The following ADORA2B variants were observed in gnomAD, a reference collection of about 807,000 sequenced individuals.
The protein encoded by ADORA2B is adenosine receptor A2b.
ADORA2B carries 18 observed loss-of-function variants against 20.8 expected under a neutral mutation model. That is an observed-to-expected ratio of 0.87 (90% CI 0.60 to 1.29). The LOEUF (loss-of-function observed/expected upper bound fraction) is 1.29, where lower values mean the gene tolerates loss of function less well. Ranked by LOEUF, ADORA2B falls within the 50% of genes most tolerant of loss-of-function variation. The pLI is 0.00. For synonymous variants in ADORA2B, 179 were observed against 178.3 expected (o/e 1.00, Z -0.03); for missense variants, 441 against 422.7 (o/e 1.04, Z -0.38).
At chr17:15,921,972 G>C in the ADORA2B span, among the ~76,000 whole-genome samples, 1 of 152,126 alleles carries the variant, frequency 6.6e-6, no homozygotes, top group Admixed American at 6.6e-5. Flanking sequence ...TTCAAGGAAG[G>C]GTGGGAAATC....
At chr17:15,897,993 G>A in the ADORA2B span, among the ~76,000 whole-genome samples, 706 of 152,070 alleles carry the variant, frequency 4.6e-3, 8 homozygotes, top group African/African-American at 0.016. Context: ...ACCATTAAAG[G>A]GGTTGAATTC....
At chr17:15,859,023 T>G in the ADORA2B span, among the ~76,000 whole-genome samples, 1 of 152,176 alleles carries the variant, frequency 6.6e-6, no homozygotes, top group Non-Finnish European at 1.5e-5. Context: ...AGGGTCTTGC[T>G]TTGTTGCCCA....
chr17:15,871,707 T>G, the ADORA2B span, among the ~76,000 whole-genome samples: 2 of 152,130 alleles, frequency 1.3e-5, no homozygotes, highest in South Asian at 4.1e-4. Flanking sequence ...CCTAATGAGC[T>G]TCCCTCATTA....
At chr17:15,967,055 C>T (rs754400035) in intron 1 of ADORA2B, among the ~76,000 whole-genome samples, 3 of 152,124 alleles carry the variant, frequency 2.0e-5, no homozygotes, top group Non-Finnish European at 4.4e-5. Flanking sequence ...GAGGCAGAGT[C>T]TGCAGCAAGG....
chr17:15,935,661 A>T, the ADORA2B span, among the ~76,000 whole-genome samples: 1 of 151,608 alleles, frequency 6.6e-6, no homozygotes, highest in African/African-American at 2.4e-5. Flanking sequence ...CTCTCTTTCT[A>T]GTACTCTGAT....
chr17:15,876,227 A>G, the ADORA2B span, among the ~76,000 whole-genome samples: 1 of 152,162 alleles, frequency 6.6e-6, no homozygotes, highest in Non-Finnish European at 1.5e-5. Flanking sequence ...ATTTTAGGTC[A>G]GCAACTATTT....
intron 1 of ADORA2B, among the ~76,000 whole-genome samples, chr17:15,962,229 G>A (rs1970049539): frequency 6.6e-6 from 1 of 152,146 alleles, no homozygotes; most frequent in African/African-American, 2.4e-5. Flanking sequence ...CTTGAACCCG[G>A]GAGGCGGAGG....
At chr17:15,873,444 A>C in the ADORA2B span, among the ~76,000 whole-genome samples, 2 of 152,204 alleles carry the variant, frequency 1.3e-5, no homozygotes, top group Non-Finnish European at 2.9e-5. Context: ...TAATAATCAG[A>C]GTAAACAGAC....
At chr17:15,946,691 C>T (rs1045801024) in intron 1 of ADORA2B, among the ~76,000 whole-genome samples, 3 of 152,172 alleles carry the variant, frequency 2.0e-5, no homozygotes, top group East Asian at 3.8e-4. Context: ...ACCTTCATCT[C>T]GTAGAGGAGG....
the ADORA2B span, among the ~76,000 whole-genome samples, chr17:15,855,128 A>T: frequency 6.6e-6 from 1 of 151,420 alleles, no homozygotes; most frequent in African/African-American, 2.4e-5. Flanking sequence ...ATGGGATTTT[A>T]CCATGTTGGC....
chr17:15,928,078 G>T, the ADORA2B span, among the ~76,000 whole-genome samples: 5 of 152,120 alleles, frequency 3.3e-5, no homozygotes, highest in African/African-American at 1.2e-4. Flanking sequence ...AAAGTGCTGG[G>T]ATTATAGGCG....
chr17:15,879,750 G>A, the ADORA2B span, among the ~76,000 whole-genome samples: 44 of 150,506 alleles, frequency 2.9e-4, 1 homozygote, highest in East Asian at 7.4e-3. Context: ...TGTTAGCCAG[G>A]ATGGTCTTGA....
the ADORA2B span, among the ~76,000 whole-genome samples, chr17:15,873,003 A>G: frequency 1.3e-5 from 2 of 152,274 alleles, no homozygotes; most frequent in East Asian, 1.9e-4. Flanking sequence ...AATGTGTTCA[A>G]CTTTTCCCCA....
chr17:15,869,339 A>T, the ADORA2B span, among the ~76,000 whole-genome samples: 76,790 of 143,196 alleles, frequency 0.54, 21,515 homozygotes, highest in African/African-American at 0.71. Context: ...TAATAATAAT[A>T]ATTATTATTA....
chr17:15,869,868 T>C, the ADORA2B span, among the ~76,000 whole-genome samples: 1 of 152,248 alleles, frequency 6.6e-6, no homozygotes, highest in East Asian at 1.9e-4. Flanking sequence ...TACTGTGTTA[T>C]AACTCAGAAT....
the ADORA2B span, among the ~76,000 whole-genome samples, chr17:15,883,192 C>A: frequency 1.3e-5 from 2 of 152,152 alleles, no homozygotes; most frequent in African/African-American, 4.8e-5. Flanking sequence ...AATCTTGGAA[C>A]AAAATTCCTT....
At chr17:15,936,516 C>T in the ADORA2B span, among the ~76,000 whole-genome samples, 1 of 152,006 alleles carries the variant, frequency 6.6e-6, no homozygotes, top group Non-Finnish European at 1.5e-5. Flanking sequence ...GACAGGATTT[C>T]ACCATGTTGG....
At chr17:15,903,632 G>C in the ADORA2B span, among the ~76,000 whole-genome samples, 1 of 152,140 alleles carries the variant, frequency 6.6e-6, no homozygotes, top group Non-Finnish European at 1.5e-5. Context: ...TGGGTTTTCA[G>C]TTTCTTGTTT....
chr17:15,854,926 CTTTTT>C, the ADORA2B span, among the ~76,000 whole-genome samples: 1 of 140,844 alleles, frequency 7.1e-6, no homozygotes, highest in Non-Finnish European at 1.6e-5. Context: ...GGATTTAACT[CTTTTT>C]TTTTTTTTTT....
Sources: allele counts gnomAD v4.1 joint callset (sites outside exome capture counted in the v4.1 genomes callset), GRCh38; gene constraint gnomAD v4.1.1; transcripts MANE v1.5; gene names NCBI Gene and HGNC (gene_info 2026-07-23, HGNC 2026-07-21).